TTC17: variants seen among roughly 807,000 people sequenced by gnomAD.
TTC17 encodes tetratricopeptide repeat domain 17.
Under a neutral mutation model 143.8 loss-of-function variants are expected in TTC17, and 58 were observed. The ratio of observed to expected loss-of-function variants is 0.40; its 90% CI spans 0.33 to 0.50. The LOEUF (loss-of-function observed/expected upper bound fraction) is 0.50. Among genes scored for constraint, TTC17 ranks in the 20% least tolerant of loss-of-function variants. TTC17 has a pLI of 0.49. For synonymous variants in TTC17, 501 were observed against 497.8 expected, an observed-to-expected ratio of 1.01 and a Z score of -0.09; for missense variants, 1,273 against 1,392.5, an observed-to-expected ratio of 0.91 and a Z score of 1.37.
rs763121532 is a variant in TTC17, at chr11:43,407,381, A to G, written c.1868A>G (p.Asn623Ser). Residue 623 changes from asparagine to serine, a missense_variant, in exon 15 of 24, where the codon AAT becomes AGT. By Grantham distance (46) the Asn-to-Ser change is conservative. Coordinates refer to ENST00000039989, the MANE Select transcript of TTC17 (RefSeq NM_018259.6). ...KPNAPIWLIL[N>S]EAGLYWRAVG... is the part of the protein sequence containing the mutation. Reference sequence around the variant, plus strand: ...AATGCTCCTATCTGGCTCATACTCAATGAAGCTGGACTATACTGGAGAGCA... The same window carrying G: ...AATGCTCCTATCTGGCTCATACTCAGTGAAGCTGGACTATACTGGAGAGCA... 2.2e-5 allele frequency: 35 copies of G among 1,613,748 alleles called. No individual in the cohort carries two copies. Among genetic ancestry groups the G allele is most frequent in the Non-Finnish European group, 2.7e-5 (32 of 1,179,958 alleles).
At chr11:43,401,132 C>A (rs970857245) in intron 9 of TTC17, among the ~76,000 whole-genome samples, 1 of 152,114 alleles carries the variant, frequency 6.6e-6, no homozygotes, top group African/African-American at 2.4e-5. Context: ...AAATTCTCTC[C>A]AGAAAGATGG....
chr11:43,440,646 T>C (rs1947395791), intron 16 of TTC17, among the ~76,000 whole-genome samples: 1 of 152,192 alleles, frequency 6.6e-6, no homozygotes, highest in African/African-American at 2.4e-5. Context: ...CTGTCTTCTC[T>C]TTCCTTGTCC....
At chr11:43,461,605 TA>T (rs1947869797) in intron 21 of TTC17, among the ~76,000 whole-genome samples, 1 of 151,992 alleles carries the variant, frequency 6.6e-6, no homozygotes, top group African/African-American at 2.4e-5. Context: ...ATCAGGAAAA[TA>T]ATCCAAGATA....
At chr11:43,419,143 G>A (rs772720751) in intron 16 of TTC17, among the ~76,000 whole-genome samples, 5 of 151,966 alleles carry the variant, frequency 3.3e-5, no homozygotes, top group East Asian at 1.9e-4. Context: ...TGAGGCACAC[G>A]CCTACTTAAA....
chr11:43,418,092 C>G (rs1946817528), intron 16 of TTC17, among the ~76,000 whole-genome samples: 1 of 152,182 alleles, frequency 6.6e-6, no homozygotes, highest in Admixed American at 6.5e-5. Flanking sequence ...AATACACAAT[C>G]ACTATGCTAA....
At chr11:43,403,797 G>T (rs1363250828) in intron 10 of TTC17, among the ~76,000 whole-genome samples, 1 of 126,662 alleles carries the variant, frequency 7.9e-6, no homozygotes, top group Non-Finnish European at 1.9e-5. Context: ...CAAAGTTATT[G>T]AAAGTTGTTA....
Position 43,361,848 on chromosome 11 carries a change from T to C in TTC17, c.159+2735T>C, listed in dbSNP as rs80082879. On this transcript the variant is annotated intron_variant, in intron 1 of 23. Transcript: ENST00000039989. ...ATTAACAGCTTTTAGAAAATTAGAG[T>C]GGTACATACCTTTTGAGAACCTTTA... Among the ~76,000 whole-genome samples the C allele has an allele frequency of 6.2e-3, 937 of 152,240 alleles. 12 individuals are homozygous for C. The highest frequency in any genetic ancestry group is 0.021 in the African/African-American group (884 of 41,546).
chr11:43,412,297 A>G (rs1858450931), intron 15 of TTC17, among the ~76,000 whole-genome samples: 1 of 152,098 alleles, frequency 6.6e-6, no homozygotes, highest in African/African-American at 2.4e-5. Flanking sequence ...CAGCCTGGGC[A>G]ACACAATGAG....
At chr11:43,389,842 A>G in intron 3 of TTC17, 21 bp downstream of exon 3, 1 of 1,561,122 alleles carries the variant, frequency 6.4e-7, no homozygotes. Flanking sequence ...TCTCTTTCCA[A>G]AAATAAAATT....
chr11:43,389,923 A>T (rs11037430), intron 3 of TTC17, 102 bp downstream of exon 3: 4 of 1,096,448 alleles, frequency 3.6e-6, no homozygotes, highest in Non-Finnish European at 5.2e-6. Flanking sequence ...CTTCAATCAC[A>T]GATGAGTTTT....
At chr11:43,421,296 T>G (rs972328109) in intron 16 of TTC17, among the ~76,000 whole-genome samples, 1 of 152,192 alleles carries the variant, frequency 6.6e-6, no homozygotes, top group African/African-American at 2.4e-5. Flanking sequence ...ATGTTCATGT[T>G]AGGAATAGCA....
chr11:43,362,149 T>G (rs948886403), intron 1 of TTC17, among the ~76,000 whole-genome samples: 6 of 138,054 alleles, frequency 4.3e-5, no homozygotes, highest in Admixed American at 7.1e-5. Context: ...CCCGGCTAAT[T>G]TGTGTGTGTG....
intron 16 of TTC17, among the ~76,000 whole-genome samples, chr11:43,425,346 A>G (rs1947002136): frequency 6.6e-6 from 1 of 152,092 alleles, no homozygotes; most frequent in African/African-American, 2.4e-5. Context: ...TTTTTTAATT[A>G]TTCTAATTGG....
At chr11:43,377,369 G>C (rs892006936) in intron 1 of TTC17, among the ~76,000 whole-genome samples, 1 of 152,118 alleles carries the variant, frequency 6.6e-6, no homozygotes, top group Non-Finnish European at 1.5e-5. Context: ...AATGTTATTT[G>C]GCATATAACT....
chr11:43,418,772 T>G (rs935077953), intron 16 of TTC17, among the ~76,000 whole-genome samples: 1 of 152,140 alleles, frequency 6.6e-6, no homozygotes, highest in African/African-American at 2.4e-5. Flanking sequence ...GCAAAATGAT[T>G]AAATATTGAA....
rs531387708 is a variant in TTC17, at chr11:43,375,498, A to C, written c.160-3735A>C. ...CTATAATTCTGAATTAAAATATTAAAATTATTTTGTCCCTAGTTTCTAACT... is the reference window on the plus strand; with the variant it reads ...CTATAATTCTGAATTAAAATATTAACATTATTTTGTCCCTAGTTTCTAACT... On this transcript the variant is annotated intron_variant, in intron 1 of 23. Transcript: ENST00000039989. Among the ~76,000 whole-genome samples the C allele has an allele frequency of 6.5e-4, 99 of 152,302 alleles. 1 individual carries two copies. The highest frequency in any genetic ancestry group is 5.4e-3 in the Admixed American group (82 of 15,302).
chr11:43,363,410 A>G (rs1856195827), intron 1 of TTC17, among the ~76,000 whole-genome samples: 1 of 152,196 alleles, frequency 6.6e-6, no homozygotes, highest in Non-Finnish European at 1.5e-5. Flanking sequence ...GGTAGCAGCT[A>G]ACAGAGAAAC....
At chr11:43,485,219 T>C (rs1218444575) in intron 21 of TTC17, among the ~76,000 whole-genome samples, 1 of 152,122 alleles carries the variant, frequency 6.6e-6, no homozygotes, top group Non-Finnish European at 1.5e-5. Context: ...GGACCTCTGC[T>C]CTAACATACA....
At chr11:43,437,578 C>T (rs61884760) in intron 16 of TTC17, among the ~76,000 whole-genome samples, 27,122 of 152,068 alleles carry the variant, frequency 0.18, 3,001 homozygotes, top group Non-Finnish European at 0.24. Context: ...TTTCTTACCT[C>T]ATTTATTTAA....
Sources: gnomAD v4.1 joint callset for allele counts (sites outside exome capture counted in the v4.1 genomes callset) on GRCh38, gnomAD v4.1.1 for gene constraint, MANE v1.5 for transcripts, NCBI Gene and HGNC (gene_info 2026-07-23, HGNC 2026-07-21) for gene names.